The following UBE2E2 variants were observed in gnomAD, a reference collection of about 807,000 sequenced individuals.
UBE2E2 encodes the protein ubiquitin conjugating enzyme E2 E2.
Under a neutral mutation model 24.7 loss-of-function variants are expected in UBE2E2, and 6 were observed. That is an observed-to-expected ratio of 0.24 (90% CI 0.13 to 0.48). UBE2E2 has a LOEUF of 0.48. Among genes scored for constraint, UBE2E2 ranks in the 20% least tolerant of loss-of-function variants. UBE2E2 has a pLI of 0.99. For missense variants in UBE2E2, 169 were observed against 245.0 expected (o/e 0.69, Z 2.07); for synonymous variants, 104 against 83.6 (o/e 1.24, Z -1.33).
intron 4 of UBE2E2, among the ~76,000 whole-genome samples, chr3:23,513,970 G>C (rs1169481263): frequency 6.6e-6 from 1 of 152,070 alleles, no homozygotes; most frequent in Non-Finnish European, 1.5e-5. Flanking sequence ...ATCTTTAACT[G>C]TCAGTGATTT....
chr3:23,307,046 A>G lies in UBE2E2; in HGVS notation c.227+89734A>G, dbSNP rs138605318. On this transcript the variant is annotated intron_variant, in intron 3 of 5. Transcript: ENST00000396703. The stretch of plus-strand genomic sequence containing the variant: ...TTTATAATACAAAAAAGCAACAGAC[A>G]AGCTGATATTTTTGGTACGATATTA... Among the ~76,000 whole-genome samples the G allele has an allele frequency of 9.9e-4, 150 of 152,272 alleles. No individual in the cohort carries two copies. The Middle Eastern group carries it at 0.01, about 10-fold the overall frequency.
chr3:23,570,538 C>T (rs1696195718), intron 5 of UBE2E2, among the ~76,000 whole-genome samples: 1 of 152,046 alleles, frequency 6.6e-6, no homozygotes, highest in Admixed American at 6.6e-5. Flanking sequence ...CAACAGTAAA[C>T]AATGTATAAT....
intron 5 of UBE2E2, among the ~76,000 whole-genome samples, chr3:23,574,950 T>C (rs1316050973): frequency 6.6e-6 from 1 of 152,180 alleles, no homozygotes; most frequent in Non-Finnish European, 1.5e-5. Context: ...CTGAAACTTT[T>C]TGAGCACCTA....
intron 5 of UBE2E2, among the ~76,000 whole-genome samples, chr3:23,568,930 C>G (rs1696156948): frequency 6.6e-6 from 1 of 151,644 alleles, no homozygotes; most frequent in Non-Finnish European, 1.5e-5. Context: ...TTAGCAGTTC[C>G]TTACATGGTT....
chr3:23,215,491 C>T (rs1174197857), intron 2 of UBE2E2, among the ~76,000 whole-genome samples: 1 of 152,022 alleles, frequency 6.6e-6, no homozygotes, highest in Non-Finnish European at 1.5e-5. Context: ...AGTTATTTTA[C>T]ATTTTAGTTT....
rs1331512980 is a variant in UBE2E2 at position 23,589,665 on chromosome 3, C to T, written c.509-69C>T. On this transcript the variant is annotated intron_variant, in intron 5 of 5. Coordinates refer to ENST00000396703, the MANE Select transcript of UBE2E2 (RefSeq NM_152653.4). This position sits in a 1 kb window ranked among gnomAD's most constrained non-coding sequence, Gnocchi z 4.1. ...CATCTCCTACCCTCCCACTCCTTGC[C>T]AGCTTTCTGAACACTTCTTCCCCCA... is the stretch of plus-strand genomic sequence containing the variant. 1 of 1,544,626 alleles carries T rather than the reference C, an allele frequency of 6.5e-7. No homozygotes were observed. Among genetic ancestry groups the T allele is most frequent in the Non-Finnish European group, 8.9e-7 (1 of 1,121,868 alleles).
rs530915679 is a variant in UBE2E2 at position 23,554,948 on chromosome 3, G to T, written c.508+22247G>T. On this transcript the variant is annotated intron_variant, in intron 5 of 5. Coordinates refer to ENST00000396703, the MANE Select transcript of UBE2E2 (RefSeq NM_152653.4). ...TTTTTTCTTTTTGAGATGGAGTATG[G>T]CTCTGTTGCCCAGGCTGGAGTACAG... is the stretch of plus-strand genomic sequence containing the variant. Among the ~76,000 whole-genome samples the T allele has an allele frequency of 1.1e-4, 16 of 151,598 alleles. 1 individual carries two copies. The South Asian group carries it at 2.9e-3, about 28-fold the overall frequency.
At chr3:23,347,417 G>T (rs1036730491) in intron 3 of UBE2E2, among the ~76,000 whole-genome samples, 5 of 152,152 alleles carry the variant, frequency 3.3e-5, no homozygotes, top group Non-Finnish European at 7.3e-5. Context: ...CATGGATGAA[G>T]CTGGAAACCC....
At chr3:23,234,492 G>A (rs1456375292) in intron 3 of UBE2E2, among the ~76,000 whole-genome samples, 1 of 152,128 alleles carries the variant, frequency 6.6e-6, no homozygotes, top group Non-Finnish European at 1.5e-5. Flanking sequence ...GGAGAGTTTT[G>A]ATTAATTTAG....
At chr3:23,559,754 G>T (rs953202534) in intron 5 of UBE2E2, among the ~76,000 whole-genome samples, 2 of 152,142 alleles carry the variant, frequency 1.3e-5, no homozygotes. Flanking sequence ...TATCATGCAC[G>T]TTAGAAATAA....
intron 5 of UBE2E2, among the ~76,000 whole-genome samples, chr3:23,575,700 G>A (rs149903377): frequency 1.2e-3 from 180 of 152,276 alleles, no homozygotes; most frequent in African/African-American, 4.1e-3. Context: ...TTATTGAAGG[G>A]TGGTTTGGCA....
intron 5 of UBE2E2, among the ~76,000 whole-genome samples, chr3:23,539,093 C>CA (rs1451331359): frequency 6.6e-6 from 1 of 152,116 alleles, no homozygotes; most frequent in Non-Finnish European, 1.5e-5. Flanking sequence ...CTCTTTGACT[C>CA]AAAGAGTTAC....
intron 3 of UBE2E2, among the ~76,000 whole-genome samples, chr3:23,452,597 T>A (rs991229511): frequency 7.9e-5 from 12 of 152,234 alleles, no homozygotes; most frequent in African/African-American, 2.9e-4. Context: ...TGTAACTTGA[T>A]CCTAGTTATA....
At chr3:23,282,700 G>A (rs1698517408) in intron 3 of UBE2E2, among the ~76,000 whole-genome samples, 1 of 151,966 alleles carries the variant, frequency 6.6e-6, no homozygotes, top group African/African-American at 2.4e-5. Context: ...CTAAATTGAA[G>A]TTTAAAAAAA....
chr3:23,251,770 C>A (rs1046678189), intron 3 of UBE2E2, among the ~76,000 whole-genome samples: 2 of 152,102 alleles, frequency 1.3e-5, no homozygotes, highest in African/African-American at 4.8e-5. Context: ...ATAATAATCT[C>A]TCTCGACTAT....
intron 3 of UBE2E2, among the ~76,000 whole-genome samples, chr3:23,442,860 AC>A (rs1219743306): frequency 6.6e-6 from 1 of 151,672 alleles, no homozygotes; most frequent in Non-Finnish European, 1.5e-5. Context: ...GGTTTGAAAA[AC>A]TTCCTCCATC....
rs149956742 is a variant in UBE2E2, at chr3:23,581,952, A to G, written c.509-7782A>G. Among the ~76,000 whole-genome samples the G allele has an allele frequency of 1.5e-3, 221 of 152,134 alleles. 5 individuals are homozygous for G. In the East Asian group the frequency reaches 0.015, roughly 11 times the overall value. Reference sequence around the variant, plus strand: ...TTTAGTTTCAGGGGTACATGTGCAGATTTATTATATAGGTCAATTGCATGT... The same window carrying G: ...TTTAGTTTCAGGGGTACATGTGCAGGTTTATTATATAGGTCAATTGCATGT... On this transcript the variant is annotated intron_variant, in intron 5 of 5. Coordinates refer to ENST00000396703, the MANE Select transcript of UBE2E2 (RefSeq NM_152653.4).
At chr3:23,550,901 A>G (rs1695627677) in intron 5 of UBE2E2, among the ~76,000 whole-genome samples, 1 of 152,206 alleles carries the variant, frequency 6.6e-6, no homozygotes, top group Admixed American at 6.6e-5. Flanking sequence ...AATGCCCTAG[A>G]AATCTGAAGA....
chr3:23,545,925 C>T (rs1025140000), intron 5 of UBE2E2, among the ~76,000 whole-genome samples: 5 of 152,110 alleles, frequency 3.3e-5, no homozygotes, highest in Non-Finnish European at 7.4e-5. Flanking sequence ...AACCAAATAC[C>T]TTAAGTTCTC....
Sources: gnomAD v4.1 joint callset for allele counts (sites outside exome capture counted in the v4.1 genomes callset) on GRCh38, gnomAD v4.1.1 for gene constraint, Gnocchi (gnomAD v3.1) non-coding constraint, MANE v1.5 for transcripts, NCBI Gene and HGNC (gene_info 2026-07-23, HGNC 2026-07-21) for gene names.